Variants in KAZN observed in about 807,000 individuals in gnomAD.
KAZN encodes kazrin, periplakin interacting protein, also known as kazrin.
Under a neutral mutation model 87.4 loss-of-function variants are expected in KAZN, and 40 were observed. The observed-to-expected ratio is 0.46, with a 90% CI of 0.36 to 0.60. KAZN has a LOEUF of 0.60. Ranked by LOEUF, KAZN falls within the 20% of genes least tolerant of loss-of-function variation. The pLI, the probability that KAZN is intolerant of heterozygous loss-of-function variation, is 0.00. For synonymous variants in KAZN, 466 were observed against 458.3 expected (o/e 1.02, Z -0.22); for missense variants, 898 against 1,073.9 (o/e 0.84, Z 2.29).
intron 2 of KAZN, among the ~76,000 whole-genome samples, chr1:14,564,427 A>G (rs1193704747): frequency 6.6e-6 from 1 of 152,074 alleles, no homozygotes; most frequent in African/African-American, 2.4e-5. Context: ...TAATCTCCCC[A>G]TGTCTCTGCA....
chr1:14,418,755 A>T (rs1448817335), intron 2 of KAZN, among the ~76,000 whole-genome samples: 1 of 152,226 alleles, frequency 6.6e-6, no homozygotes, highest in Non-Finnish European at 1.5e-5. Context: ...GACTCTCCCT[A>T]GCTCTGAAGC....
rs72639856 is a variant in KAZN, at chr1:15,056,882, T to C, written c.916+602T>C. ...ATGGAACAGGCTCCAAACTTCTCGCTGTCCTGTTGCACGTCTGCAGGCCAC... is the reference window on the plus strand; with the variant it reads ...ATGGAACAGGCTCCAAACTTCTCGCCGTCCTGTTGCACGTCTGCAGGCCAC... On this transcript the variant is annotated intron_variant, in intron 5 of 14. Transcript: ENST00000376030. The surrounding 1 kb of genome is among the most constrained non-coding windows in gnomAD (Gnocchi z 5.4). Among the ~76,000 whole-genome samples the C allele has an allele frequency of 5.2e-3, 798 of 152,366 alleles. 7 individuals carry two copies. Among genetic ancestry groups the C allele is most frequent in the East Asian group, 0.03 (157 of 5,188 alleles).
chr1:14,833,291 C>G (rs1002262275), intron 1 of KAZN, among the ~76,000 whole-genome samples: 5 of 152,146 alleles, frequency 3.3e-5, no homozygotes, highest in African/African-American at 9.7e-5. Context: ...CCATGCCCCC[C>G]CACTGTCTTG....
At chr1:14,988,420 T>A (rs775935336) in intron 2 of KAZN, among the ~76,000 whole-genome samples, 97 of 152,156 alleles carry the variant, frequency 6.4e-4, no homozygotes, top group Non-Finnish European at 1.2e-3. Context: ...TAGGACTCAC[T>A]TAAGGAATGA....
chr1:14,973,013 T>C lies in KAZN; in HGVS notation c.418+12138T>C, dbSNP rs111976458. 3.8e-3 allele frequency among the ~76,000 whole-genome samples: 582 copies of C among 151,948 alleles called. 3 individuals are homozygous for C. Among genetic ancestry groups the C allele is most frequent in the Middle Eastern group, 0.017 (5 of 294 alleles). ...CATGCCATATGCCTTCTCTTCACATTATCCCCAGAACAACCCCATGACATA... is the reference window on the plus strand; with the variant it reads ...CATGCCATATGCCTTCTCTTCACATCATCCCCAGAACAACCCCATGACATA... On this transcript the variant is annotated intron_variant, in intron 2 of 14. Coordinates refer to ENST00000376030, the MANE Select transcript of KAZN (RefSeq NM_201628.3).
chr1:13,972,176 A>G (rs867841799), intron 1 of KAZN, among the ~76,000 whole-genome samples: 3 of 152,212 alleles, frequency 2.0e-5, no homozygotes, highest in Non-Finnish European at 4.4e-5. Context: ...ATACAATTTA[A>G]GAAGAAAAAA....
At chr1:14,855,286 G>T (rs980006089) in intron 1 of KAZN, among the ~76,000 whole-genome samples, 2 of 152,122 alleles carry the variant, frequency 1.3e-5, no homozygotes, top group African/African-American at 4.8e-5. Flanking sequence ...TTTTGTTCTG[G>T]GTGGAATGAT....
chr1:14,893,564 T>C (rs564754325), intron 1 of KAZN, among the ~76,000 whole-genome samples: 3 of 151,256 alleles, frequency 2.0e-5, no homozygotes, highest in African/African-American at 7.3e-5. Context: ...ACCCTAACCT[T>C]GACTGATGGC....
rs141332279 is a variant in KAZN, at chr1:14,982,374, A to G, written c.418+21499A>G. 4.3e-3 allele frequency among the ~76,000 whole-genome samples: 644 copies of G among 148,222 alleles called. 9 individuals carry two copies. Among genetic ancestry groups the G allele is most frequent in the African/African-American group, 0.015 (607 of 39,972 alleles). ...ACAGGGCATGGGACAGTGGTTCCCC[A>G]CATGTTCCCTCTGAACTGGGGCCGC... On this transcript the variant is annotated intron_variant, in intron 2 of 14. Coordinates refer to ENST00000376030, the MANE Select transcript of KAZN (RefSeq NM_201628.3).
chr1:13,923,876 G>A (rs1245123205), intron 1 of KAZN, among the ~76,000 whole-genome samples: 1 of 152,198 alleles, frequency 6.6e-6, no homozygotes, highest in Non-Finnish European at 1.5e-5. Context: ...TCCAGTTGAT[G>A]TATAGTTAAA....
intron 2 of KAZN, among the ~76,000 whole-genome samples, chr1:14,356,817 T>C (rs1003699746): frequency 1.3e-5 from 2 of 152,208 alleles, no homozygotes; most frequent in African/African-American, 4.8e-5. Context: ...CATGCTGTTT[T>C]GGTTACTGTA....
At chr1:14,759,649 A>G (rs1217939578) in intron 1 of KAZN, among the ~76,000 whole-genome samples, 1 of 152,094 alleles carries the variant, frequency 6.6e-6, no homozygotes, top group African/African-American at 2.4e-5. Flanking sequence ...CGGCTTTAAT[A>G]TTTCATGACC....
intron 1 of KAZN, among the ~76,000 whole-genome samples, chr1:14,173,485 C>A (rs1645998725): frequency 6.6e-6 from 1 of 152,148 alleles, no homozygotes; most frequent in Non-Finnish European, 1.5e-5. Flanking sequence ...AGCTGCTCCA[C>A]AGTCCTACCA....
At chr1:14,983,523 G>GGGATGTCTAGTTCCAT (rs57874710) in intron 2 of KAZN, among the ~76,000 whole-genome samples, 1 of 151,940 alleles carries the variant, frequency 6.6e-6, no homozygotes, top group African/African-American at 2.4e-5. Context: ...CCCCTGTGGG[G>GGGATGTCTAGTTCCAT]GGAGCAAAAT....
At chr1:13,926,652 TAAAAAA>T (rs60345092) in intron 1 of KAZN, among the ~76,000 whole-genome samples, 1 of 145,050 alleles carries the variant, frequency 6.9e-6, no homozygotes, top group African/African-American at 2.5e-5. Flanking sequence ...CTTTAAGAGT[TAAAAAA>T]AAAAAAAAAA....
At chr1:14,322,369 A>G (rs1656107667) in intron 2 of KAZN, among the ~76,000 whole-genome samples, 2 of 152,200 alleles carry the variant, frequency 1.3e-5, no homozygotes, top group African/African-American at 2.4e-5. Context: ...GTCCTAAGAA[A>G]AGTCCTATTC....
intron 2 of KAZN, among the ~76,000 whole-genome samples, chr1:14,471,373 T>C (rs546392107): frequency 2.6e-5 from 4 of 152,290 alleles, no homozygotes; most frequent in African/African-American, 9.6e-5. Context: ...TAGCACACTA[T>C]TCTATACAAT....
At chr1:14,819,012 G>A (rs576080523) in intron 1 of KAZN, among the ~76,000 whole-genome samples, 50 of 152,302 alleles carry the variant, frequency 3.3e-4, no homozygotes, top group African/African-American at 1.1e-3. Flanking sequence ...CCGAGATCGT[G>A]CCATTGCACT....
At chr1:14,966,731 G>A (rs1308500512) in intron 2 of KAZN, among the ~76,000 whole-genome samples, 1 of 152,090 alleles carries the variant, frequency 6.6e-6, no homozygotes, top group African/African-American at 2.4e-5. Flanking sequence ...GAGTACAGTG[G>A]CGCCATCTCA....
Sources: allele counts gnomAD v4.1 joint callset (sites outside exome capture counted in the v4.1 genomes callset), GRCh38; gene constraint gnomAD v4.1.1; non-coding constraint Gnocchi (gnomAD v3.1); transcripts MANE v1.5; gene names NCBI Gene and HGNC (gene_info 2026-07-23, HGNC 2026-07-21).